Variants in MGAT5 observed in about 807,000 individuals in gnomAD.
MGAT5 encodes alpha-1,6-mannosylglycoprotein 6-beta-N-acetylglucosaminyltransferase A.
A neutral mutation model predicts 94.3 loss-of-function variants in MGAT5; 30 were observed. That is an observed-to-expected ratio of 0.32 (90% CI 0.24 to 0.43). The LOEUF (loss-of-function observed/expected upper bound fraction) is 0.43, where lower values mean the gene tolerates loss of function less well. Among genes scored for constraint, MGAT5 ranks in the 20% least tolerant of loss-of-function variants. The probability of loss-of-function intolerance (pLI) is 1.00; values close to 1 mark genes in which losing one functional copy is unlikely to be tolerated. For missense variants in MGAT5, 691 were observed against 905.5 expected, an observed-to-expected ratio of 0.76 and a Z score of 3.04; for synonymous variants, 310 against 322.9, an observed-to-expected ratio of 0.96 and a Z score of 0.43.
rs952573253 is a variant in MGAT5 at position 134,318,591 on chromosome 2, T to C, written c.484-59T>C. On this transcript the variant is annotated intron_variant, in intron 3 of 15. Coordinates refer to ENST00000281923, the MANE Select transcript of MGAT5 (RefSeq NM_002410.5). The stretch of plus-strand genomic sequence containing the variant: ...TTCACCATTCTATCCTCGCCTTCCC[T>C]GTCAGCAGATGTGGAGGGCCTGTGA... 5.7e-5 allele frequency: 71 copies of C among 1,247,784 alleles called. No homozygotes were observed. In the East Asian group the frequency reaches 1.5e-3, roughly 26 times the overall value. 77.3% of individuals were successfully genotyped at this position (1,247,784 alleles called of 1,614,324 possible).
At chr2:134,381,756 T>G (rs1421947006) in intron 10 of MGAT5, among the ~76,000 whole-genome samples, 1 of 152,190 alleles carries the variant, frequency 6.6e-6, no homozygotes, top group Non-Finnish European at 1.5e-5. Flanking sequence ...CAAGTCTTAG[T>G]CTTAGCTTCT....
At chr2:134,270,042 A>G (rs1683934909) in intron 1 of MGAT5, among the ~76,000 whole-genome samples, 1 of 152,248 alleles carries the variant, frequency 6.6e-6, no homozygotes, top group African/African-American at 2.4e-5. Context: ...TTGGGGTGTC[A>G]AGCTTTGTGT....
At chr2:134,409,349 A>C (rs1683517817) in intron 11 of MGAT5, among the ~76,000 whole-genome samples, 1 of 152,198 alleles carries the variant, frequency 6.6e-6, no homozygotes, top group African/African-American at 2.4e-5. Context: ...AGGTCCTATA[A>C]ATAGAATAGA....
chr2:134,220,645 T>A (rs1680715090), intron 1 of MGAT5, among the ~76,000 whole-genome samples: 1 of 152,220 alleles, frequency 6.6e-6, no homozygotes, highest in Non-Finnish European at 1.5e-5. Flanking sequence ...CCTTAGTGCG[T>A]ATGTGTATGT....
intron 11 of MGAT5, among the ~76,000 whole-genome samples, chr2:134,410,791 C>G (rs1217666754): frequency 6.6e-6 from 1 of 152,208 alleles, no homozygotes; most frequent in African/African-American, 2.4e-5. Flanking sequence ...ATCCACACTT[C>G]ATGGCAGGCC....
intron 2 of MGAT5, among the ~76,000 whole-genome samples, chr2:134,296,977 G>A (rs998817991): frequency 1.3e-5 from 2 of 151,958 alleles, no homozygotes; most frequent in Non-Finnish European, 2.9e-5. Context: ...GGCGGGAGGA[G>A]TGCTTGAAAC....
chr2:134,144,665 A>G (rs1373128893), intron 1 of MGAT5, among the ~76,000 whole-genome samples: 1 of 152,232 alleles, frequency 6.6e-6, no homozygotes, highest in African/African-American at 2.4e-5. Flanking sequence ...CTAAAAAGTA[A>G]GGTCTTAAAC....
chr2:134,367,204 G>A (rs1224558268), intron 10 of MGAT5, among the ~76,000 whole-genome samples: 3 of 152,232 alleles, frequency 2.0e-5, no homozygotes, highest in Non-Finnish European at 4.4e-5. Context: ...CTGGTGCACA[G>A]TAAGTCTAAA....
chr2:134,153,117 A>G (rs1687305730), intron 1 of MGAT5, among the ~76,000 whole-genome samples: 1 of 151,852 alleles, frequency 6.6e-6, no homozygotes, highest in African/African-American at 2.4e-5. Flanking sequence ...ATGGGCTTTC[A>G]CCATATTGGT....
chr2:134,377,933 C>T (rs2106186588), intron 10 of MGAT5, among the ~76,000 whole-genome samples: 1 of 152,268 alleles, frequency 6.6e-6, no homozygotes, highest in South Asian at 2.1e-4. Context: ...TCAACAGAGT[C>T]CACGTGGCAT....
chr2:134,145,202 G>C (rs1245772584), intron 1 of MGAT5, among the ~76,000 whole-genome samples: 1 of 110,928 alleles, frequency 9.0e-6, no homozygotes, highest in East Asian at 2.7e-4. Context: ...AGGTGTGTGT[G>C]TGTCTCTCTC....
At chr2:134,364,955 G>A (rs528436181) in intron 10 of MGAT5, among the ~76,000 whole-genome samples, 21 of 152,266 alleles carry the variant, frequency 1.4e-4, no homozygotes, top group Non-Finnish European at 2.8e-4. Flanking sequence ...CTAAAGTTAC[G>A]TTCAACATAG....
chr2:134,238,857 C>T (rs1385626640), intron 1 of MGAT5, among the ~76,000 whole-genome samples: 3 of 152,064 alleles, frequency 2.0e-5, no homozygotes, highest in African/African-American at 2.4e-5. Flanking sequence ...GTGGGAGAAT[C>T]GCTGGAACCC....
intron 10 of MGAT5, among the ~76,000 whole-genome samples, chr2:134,371,829 C>T (rs1680822567): frequency 1.3e-5 from 2 of 151,842 alleles, no homozygotes; most frequent in Non-Finnish European, 2.9e-5. Context: ...TCTGGAATAG[C>T]ATTGATGTGT....
At position 134,413,007 on chromosome 2, in the gene MGAT5, C is replaced by G. The variant is rs763836352; in HGVS notation, c.1669C>G (p.Leu557Val). The G allele has an allele frequency of 6.2e-7, 1 of 1,614,078 alleles. No individual in the cohort carries two copies. The highest frequency in any genetic ancestry group is 1.1e-5 in the South Asian group (1 of 91,082). The change falls in exon 12 of 16, where the codon CTG (leucine) becomes GTG (valine). Residue 557 changes from leucine (L) to valine (V), a missense_variant. Around this residue, in one of 4 missense-constraint regions of MGAT5, gnomAD observed 260 missense variants for 347.0 expected, o/e 0.75. Transcript: ENST00000281923. ...AGACTTTTTCATTGGCAAGCCAACT[C>G]TGAGAGAGGTAAGCATCTATCAAAA... ...NTDFFIGKPT[L>V]RELTSQHPYA...
At chr2:134,442,643 C>G (rs1685549579) in intron 15 of MGAT5, among the ~76,000 whole-genome samples, 1 of 152,154 alleles carries the variant, frequency 6.6e-6, no homozygotes, top group Non-Finnish European at 1.5e-5. Flanking sequence ...GGCACCTTTC[C>G]TTTCCCTTTG....
At chr2:134,149,441 G>T (rs1687075787) in intron 1 of MGAT5, among the ~76,000 whole-genome samples, 1 of 151,810 alleles carries the variant, frequency 6.6e-6, no homozygotes, top group Non-Finnish European at 1.5e-5. Flanking sequence ...AAATCCCTGT[G>T]CATCTACTAC....
intron 10 of MGAT5, among the ~76,000 whole-genome samples, chr2:134,384,275 C>T (rs1681825956): frequency 6.6e-6 from 1 of 151,072 alleles, no homozygotes; most frequent in Admixed American, 6.6e-5. Flanking sequence ...AAGTCCTAGG[C>T]TTTTTCTCTC....
At chr2:134,184,516 G>A (rs1237984157) in intron 1 of MGAT5, among the ~76,000 whole-genome samples, 1 of 152,148 alleles carries the variant, frequency 6.6e-6, no homozygotes, top group African/African-American at 2.4e-5. Context: ...TTCCTTTTTA[G>A]AGAAGTCTTC....
Sources: allele counts gnomAD v4.1 joint callset (sites outside exome capture counted in the v4.1 genomes callset), GRCh38; gene constraint gnomAD v4.1.1; regional missense constraint gnomAD v4.1.1; transcripts MANE v1.5; gene names NCBI Gene and HGNC (gene_info 2026-07-23, HGNC 2026-07-21).